CYB5R2: variants seen among roughly 807,000 people sequenced by gnomAD.
The protein encoded by CYB5R2 is NADH-cytochrome b5 reductase 2.
A neutral mutation model predicts 29.8 loss-of-function variants in CYB5R2; 35 were observed. The ratio of observed to expected loss-of-function variants is 1.17; its 90% CI spans 0.90 to 1.56. CYB5R2 has a LOEUF of 1.56. CYB5R2 is among the 40% of genes most tolerant of loss of function. The pLI is 0.00. For synonymous variants in CYB5R2, 169 were observed against 130.6 expected (o/e 1.29, Z -2.01); for missense variants, 419 against 346.7 (o/e 1.21, Z -1.66).
chr11:7,668,830 G>C (rs1036748265), intron 5 of CYB5R2: 15 of 585,308 alleles, frequency 2.6e-5, no homozygotes, highest in Non-Finnish European at 4.3e-5. Flanking sequence ...TTAACACAGA[G>C]ACTCAAAGAG....
rs756181168 is a variant in CYB5R2 at position 7,665,558 on chromosome 11, G to A, written c.659-12C>T. ...GCTGTACTTCCAGCCTGAAATGAAGGAGATGCAGGAGCAAGCTGAGCGATG... is the reference window on the plus strand; with the variant it reads ...GCTGTACTTCCAGCCTGAAATGAAGAAGATGCAGGAGCAAGCTGAGCGATG... On this transcript the variant is annotated splice_polypyrimidine_tract_variant and intron_variant, in intron 8 of 8. Transcript: ENST00000299498. 3 of 1,591,474 alleles carry A rather than the reference G, an allele frequency of 1.9e-6. No homozygotes were observed. Among genetic ancestry groups the A allele is most frequent in the African/African-American group, 2.7e-5 (2 of 74,428 alleles).
At chr11:7,671,406 C>T (rs553719701) in intron 3 of CYB5R2, 8 of 152,402 alleles carry the variant, frequency 5.2e-5, no homozygotes, top group Admixed American at 5.2e-4. Flanking sequence ...GTCCCACTAA[C>T]TTTGCACGGC....
At position 7,666,461 on chromosome 11, in the gene CYB5R2, C is replaced by G; in HGVS notation, c.648G>C (p.Arg216Ser). The change falls in exon 8 of 9, where the codon AGG becomes AGC. Residue 216 changes from arginine (R) to serine (S), a missense_variant. Physicochemically the swap from Arg to Ser is moderately radical, Grantham distance 110. Coordinates refer to ENST00000299498, the MANE Select transcript of CYB5R2 (RefSeq NM_016229.5). ...DQFNLWYTLD[R>S]PPIGWKYSSG... ...CAATGGATGTCGTACCAATGGGAGG[C>G]CTGTCCAGGGTGTACCACAGGTTGA... 1 of 1,610,888 alleles carries G rather than the reference C, an allele frequency of 6.2e-7. No individual in the cohort carries two copies. Among genetic ancestry groups the G allele is most frequent in the Non-Finnish European group, 8.5e-7 (1 of 1,177,532 alleles).
At position 7,665,516 on chromosome 11, in the gene CYB5R2, G is replaced by C; in HGVS notation, c.689C>G (p.Ala230Gly). The C allele has an allele frequency of 2.5e-6, 4 of 1,612,342 alleles. No homozygotes were observed. Among genetic ancestry groups the C allele is most frequent in the Non-Finnish European group, 3.4e-6 (4 of 1,179,246 alleles). The part of the protein sequence containing the change: ...GWKYSSGFVT[A>G]DMIKEHLPPP... ...AGGAAGGTGCTCCTTGATCATGTCG[G>C]CAGTAACGAAGCCTGAGCTGTACTT... The change falls in exon 9 of 9, where the codon GCC becomes GGC. Residue 230 changes from alanine (A) to glycine (G), a missense_variant. Ala to Gly is a moderately conservative substitution (Grantham distance 60, BLOSUM62 0). Coordinates refer to ENST00000299498, the MANE Select transcript of CYB5R2 (RefSeq NM_016229.5).
At chr11:7,673,754 T>A (rs1855908967), upstream of CYB5R2, 1 of 977,086 alleles carries the variant, frequency 1.0e-6, no homozygotes, top group Admixed American at 6.2e-5. Flanking sequence ...CGAACTGGGG[T>A]TGGCCGGGGG....
intron 2 of CYB5R2, 106 bp downstream of exon 2, chr11:7,672,642 A>G: frequency 1.4e-6 from 2 of 1,471,030 alleles, no homozygotes; most frequent in East Asian, 2.3e-5. Flanking sequence ...ACACACACAC[A>G]GGGCGGCGGG....
At chr11:7,669,831 G>A (rs982503564) in intron 3 of CYB5R2, 100 bp from the exon 4 acceptor site, 3 of 857,696 alleles carry the variant, frequency 3.5e-6, no homozygotes, top group African/African-American at 3.4e-5. Context: ...AATACTGGGG[G>A]CACAATGTTA....
Position 7,668,517 on chromosome 11 carries a change from T to A in CYB5R2, c.433A>T (p.Thr145Ser). 6.2e-7 allele frequency: 1 copy of A among 1,613,634 alleles called. No individual in the cohort carries two copies. The highest frequency in any genetic ancestry group is 8.5e-7 in the Non-Finnish European group (1 of 1,179,634). The change falls in exon 6 of 9, where the codon ACA becomes TCA. Residue 145 changes from threonine (T) to serine (S), a missense_variant. Transcript: ENST00000299498. ...ATCATTCCCAGGTGATCGGCCAGTG[T>A]TTTTTTAGGCTCACTCGTCTGGTCT... ...RPDQTSEPKKTLADHLGMIAG... is the reference protein window; with the variant it reads ...RPDQTSEPKKSLADHLGMIAG...
Position 7,672,896 on chromosome 11 carries a change from C to T in CYB5R2, c.-66-5G>A. 6.2e-7 allele frequency: 1 copy of T among 1,610,230 alleles called. No homozygotes were observed. The highest frequency in any genetic ancestry group is 8.5e-7 in the Non-Finnish European group (1 of 1,178,148). Reference sequence around the variant, plus strand: ...GGTCAGGAGCAGGGACGGGTCCTGGCAGACACAATGTGAACAGAGCACCTC... The same window carrying T: ...GGTCAGGAGCAGGGACGGGTCCTGGTAGACACAATGTGAACAGAGCACCTC... On this transcript the variant is annotated splice_region_variant and splice_polypyrimidine_tract_variant and intron_variant, in intron 1 of 8. Transcript: ENST00000299498.
chr11:7,669,669 CA>C lies in CYB5R2; in HGVS notation c.213del (p.Val72SerfsTer12), dbSNP rs774688202. ...DNELVVRAYT[P>X]VSSDDDRGFV... is the part of the protein sequence containing the mutation. ...AAGCCTCTGTCATCATCACTGGAGA[CA>C]GGGGTGTAAGCCCTGACCACCAATT... On this transcript the variant is annotated frameshift_variant, in exon 4 of 9. Transcript: ENST00000299498. LOFTEE classifies it high-confidence loss of function. 9 of 1,612,880 alleles carry C rather than the reference CA, an allele frequency of 5.6e-6. No homozygotes were observed. Among genetic ancestry groups the C allele is most frequent in the Non-Finnish European group, 7.6e-6 (9 of 1,179,430 alleles).
In CYB5R2 at chr11:7,665,556, A is replaced by G. The variant is rs1855075112; in HGVS notation, c.659-10T>C. On this transcript the variant is annotated splice_polypyrimidine_tract_variant and intron_variant, in intron 8 of 8. Transcript: ENST00000299498. Reference sequence around the variant, plus strand: ...GAGCTGTACTTCCAGCCTGAAATGAAGGAGATGCAGGAGCAAGCTGAGCGA... The same window carrying G: ...GAGCTGTACTTCCAGCCTGAAATGAGGGAGATGCAGGAGCAAGCTGAGCGA... The G allele has an allele frequency of 6.3e-7, 1 of 1,591,174 alleles. No individual in the cohort carries two copies. Among genetic ancestry groups the G allele is most frequent in the African/African-American group, 1.3e-5 (1 of 74,306 alleles).
At chr11:7,674,230 T>G (rs547729733), upstream of CYB5R2, 50 of 1,279,532 alleles carry the variant, frequency 3.9e-5, no homozygotes, top group East Asian at 2.8e-3. Context: ...ACATACCTCA[T>G]GGGCGCCTAC....
intron 8 of CYB5R2, 61 bp from the exon 9 acceptor site, chr11:7,665,607 G>GCCGCCTGCACACCCACCCTC: frequency 6.6e-7 from 1 of 1,514,180 alleles, no homozygotes; most frequent in South Asian, 1.3e-5. Flanking sequence ...CTGATCCCAG[G>GCCGCCTGCACACCCACCCTC]CCGCCTGCAC....
In CYB5R2 at chr11:7,669,291, T is replaced by G; in HGVS notation, c.302A>C (p.Lys101Thr). The change falls in exon 5 of 9, where the codon AAG becomes ACG. Residue 101 changes from lysine to threonine, a missense_variant. Lys to Thr is a moderately conservative substitution (Grantham distance 78). Transcript: ENST00000299498. ...CATGTTCTCCAAATACTGAGTCATC[T>G]TCCCACCTTCAGGATATTGGGGGTG... ...NVHPQYPEGG[K>T]MTQYLENMKI... 6.2e-7 allele frequency: 1 copy of G among 1,614,170 alleles called. No individual in the cohort carries two copies. Among genetic ancestry groups the G allele is most frequent in the South Asian group, 1.1e-5 (1 of 91,066 alleles).
intron 3 of CYB5R2, chr11:7,671,833 T>TAACTC (rs1174986246): frequency 1.3e-5 from 2 of 152,372 alleles, no homozygotes; most frequent in African/African-American, 4.8e-5. Context: ...AGAAATGGGA[T>TAACTC]AACTCAACTC....
intron 4 of CYB5R2, 40 bp downstream of exon 4, chr11:7,669,585 T>G (rs1855595903): frequency 6.7e-7 from 1 of 1,495,980 alleles, no homozygotes; most frequent in Non-Finnish European, 9.1e-7. Flanking sequence ...TCAGTAGGCT[T>G]GGAAGCACGA....
intron 7 of CYB5R2, chr11:7,667,524 G>A: frequency 1.8e-6 from 1 of 543,894 alleles, no homozygotes; most frequent in South Asian, 2.6e-5. Context: ...GCTGGCTGAG[G>A]AGACACAAAA....
At chr11:7,672,163 C>T (rs1346209812) in intron 3 of CYB5R2, 1 of 397,420 alleles carries the variant, frequency 2.5e-6, no homozygotes, top group Admixed American at 4.0e-5. Flanking sequence ...CCCTTAAGTT[C>T]CCCAGCAAGG....
intron 3 of CYB5R2, 182 bp downstream of exon 3, chr11:7,672,269 G>GAAGAA: frequency 1.7e-6 from 1 of 588,006 alleles, no homozygotes; most frequent in South Asian, 2.2e-5. Context: ...TTGGAATAAT[G>GAAGAA]AAGAAAAGAA....
Sources: allele counts gnomAD v4.1 joint callset, GRCh38; gene constraint gnomAD v4.1.1; transcripts MANE v1.5; gene names NCBI Gene and HGNC (gene_info 2026-07-23, HGNC 2026-07-21).